SORD: variants seen among roughly 807,000 people sequenced by gnomAD.
SORD encodes sorbitol dehydrogenase.
In SORD, 18 loss-of-function variants were observed where a neutral mutation model predicts 35.6. That is an observed-to-expected ratio of 0.51 (90% CI 0.35 to 0.75). The LOEUF is 0.75. Among genes scored for constraint, SORD ranks in the 30% least tolerant of loss-of-function variants. SORD has a pLI of 0.01. For missense variants in SORD, 250 were observed against 390.2 expected, an observed-to-expected ratio of 0.64 and a Z score of 3.03; for synonymous variants, 106 against 152.9, an observed-to-expected ratio of 0.69 and a Z score of 2.26.
At chr15:45,067,287 G>A (rs1225726704) in intron 5 of SORD, among the ~76,000 whole-genome samples, 4 of 152,102 alleles carry the variant, frequency 2.6e-5, no homozygotes, top group South Asian at 2.1e-4. Context: ...GCTTGAACCC[G>A]GGAGGCGGAG....
intron 1 of SORD, among the ~76,000 whole-genome samples, chr15:45,035,478 A>C (rs1892849177): frequency 6.6e-6 from 1 of 151,898 alleles, no homozygotes; most frequent in African/African-American, 2.4e-5. Flanking sequence ...GGGGAGGTGG[A>C]AAACCTTTGT....
chr15:45,073,526 C>A lies in SORD; in HGVS notation c.1070C>A (p.Pro357His), dbSNP rs2412946. The stretch of plus-strand genomic sequence containing the variant: ...AAGTGTGACCCCAGTGACCAGAATC[C>A]CTGATGTTAATGGGCTCTGCCCTCA... ...MLKCDPSDQN[P>H] Residue 357 changes from proline to histidine, a missense_variant, in exon 9 of 9, where the codon CCC becomes CAC. By Grantham distance (77) the Pro-to-His change is moderately conservative. Around this residue, in one of 8 missense-constraint regions of SORD, gnomAD observed 17 missense variants for 26.2 expected, o/e 0.65. Transcript: ENST00000267814. 11 of 1,582,506 alleles carry A rather than the reference C, an allele frequency of 7.0e-6. No individual in the cohort carries two copies. The South Asian group carries it at 1.1e-4, about 16-fold the overall frequency.
intron 1 of SORD, 82 bp downstream of exon 1, chr15:45,023,431 T>A: frequency 8.1e-7 from 1 of 1,227,936 alleles, no homozygotes; most frequent in African/African-American, 1.6e-5. Context: ...GCTTCCCACT[T>A]CCAGCCTGGC....
chr15:45,031,470 C>G (rs1892785444), intron 1 of SORD, among the ~76,000 whole-genome samples: 1 of 152,234 alleles, frequency 6.6e-6, no homozygotes, highest in African/African-American at 2.4e-5. Context: ...GAACTTATGG[C>G]AGCCTCTGTT....
At chr15:45,029,063 A>C (rs72722064) in intron 1 of SORD, among the ~76,000 whole-genome samples, 31,276 of 151,020 alleles carry the variant, frequency 0.21, no homozygotes, top group African/African-American at 0.44. Context: ...TAACCCTTAC[A>C]AGTCAGAGAC....
intron 7 of SORD, among the ~76,000 whole-genome samples, chr15:45,071,182 C>T (rs1270833559): frequency 1.3e-5 from 2 of 152,132 alleles, no homozygotes; most frequent in African/African-American, 2.4e-5. Context: ...CCAGGTGGTT[C>T]CAGCATTCCT....
intron 3 of SORD, among the ~76,000 whole-genome samples, chr15:45,057,139 T>A (rs1289172094): frequency 1.3e-5 from 2 of 152,242 alleles, no homozygotes; most frequent in Non-Finnish European, 2.9e-5. Flanking sequence ...TTTATTTGTA[T>A]TTAAATGTTT....
intron 1 of SORD, among the ~76,000 whole-genome samples, chr15:45,029,583 G>T (rs74011318): frequency 0.21 from 31,176 of 150,766 alleles, no homozygotes; most frequent in African/African-American, 0.44. Context: ...GCAGATGGTG[G>T]CATGTTAGCA....
intron 8 of SORD, among the ~76,000 whole-genome samples, chr15:45,072,717 T>C (rs1400603806): frequency 1.4e-5 from 2 of 139,306 alleles, no homozygotes; most frequent in African/African-American, 3.3e-5. Context: ...GGCCCCTTTT[T>C]TCCCCCTATT....
intron 2 of SORD, among the ~76,000 whole-genome samples, chr15:45,042,775 C>T (rs959782878): frequency 6.6e-6 from 1 of 151,280 alleles, no homozygotes; most frequent in African/African-American, 2.4e-5. Context: ...AGAAACAAAA[C>T]CACTAAGATA....
At chr15:45,048,647 A>C (rs1893082271) in intron 3 of SORD, among the ~76,000 whole-genome samples, 1 of 152,198 alleles carries the variant, frequency 6.6e-6, no homozygotes, top group Non-Finnish European at 1.5e-5. Flanking sequence ...GGGTCAACAT[A>C]GCAATCTCAC....
intron 1 of SORD, among the ~76,000 whole-genome samples, chr15:45,027,304 G>A (rs563815842): frequency 6.6e-6 from 1 of 152,382 alleles, no homozygotes; most frequent in South Asian, 2.1e-4. Context: ...AAACCAGGCT[G>A]GGGAGCCAGA....
chr15:45,045,443 G>A (rs1271949626), intron 3 of SORD, among the ~76,000 whole-genome samples: 1 of 150,116 alleles, frequency 6.7e-6, no homozygotes, highest in Non-Finnish European at 1.5e-5. Flanking sequence ...TGAGGCAGGA[G>A]AATTGCCTGA....
At chr15:45,055,288 T>TA in intron 3 of SORD, among the ~76,000 whole-genome samples, 1 of 152,134 alleles carries the variant, frequency 6.6e-6, no homozygotes, top group Admixed American at 6.5e-5. Flanking sequence ...ATAGATGCAA[T>TA]AAAAAATGAT....
At chr15:45,044,185 C>T (rs1029296324) in intron 3 of SORD, among the ~76,000 whole-genome samples, 1 of 152,216 alleles carries the variant, frequency 6.6e-6, no homozygotes, top group Non-Finnish European at 1.5e-5. Context: ...GTCAAGAAGG[C>T]TCCTGTGGTG....
chr15:45,045,771 A>T (rs966881225), intron 3 of SORD, among the ~76,000 whole-genome samples: 50 of 152,232 alleles, frequency 3.3e-4, no homozygotes, highest in African/African-American at 1.1e-3. Flanking sequence ...TGGGAGGCCG[A>T]GGCAGAAAAA....
At chr15:45,035,532 A>C (rs1026779751) in intron 1 of SORD, among the ~76,000 whole-genome samples, 9 of 152,094 alleles carry the variant, frequency 5.9e-5, no homozygotes, top group African/African-American at 2.2e-4. Context: ...CACCCTGTCA[A>C]AACAGACCAC....
In SORD at chr15:45,065,327, G is replaced by A. The variant is rs1438253227; in HGVS notation, c.482G>A (p.Gly161Glu). 1 of 1,613,806 alleles carries A rather than the reference G, an allele frequency of 6.2e-7. No homozygotes were observed. The highest frequency in any genetic ancestry group is 8.5e-7 in the Non-Finnish European group (1 of 1,179,894). Reference sequence around the variant, plus strand: ...GCCCTGATCGAGCCACTTTCTGTGGGGATCCATGCCTGCAGGAGAGGCGGA... The same window carrying A: ...GCCCTGATCGAGCCACTTTCTGTGGAGATCCATGCCTGCAGGAGAGGCGGA... ...EGALIEPLSV[G>E]IHACRRGGVT... The change falls in exon 5 of 9, where the codon GGG becomes GAG. Residue 161 changes from glycine (G) to glutamate (E), a missense_variant. By Grantham distance (98) the Gly-to-Glu change is moderately conservative (BLOSUM62 -2). Coordinates refer to ENST00000267814, the MANE Select transcript of SORD (RefSeq NM_003104.6).
At chr15:45,065,691 C>T (rs998994959) in intron 5 of SORD, among the ~76,000 whole-genome samples, 13 of 152,252 alleles carry the variant, frequency 8.5e-5, no homozygotes, top group African/African-American at 2.6e-4. Context: ...AAACCAAAGC[C>T]GGTGGATCAC....
Sources: gnomAD v4.1 joint callset for allele counts (sites outside exome capture counted in the v4.1 genomes callset) on GRCh38, gnomAD v4.1.1 for gene constraint, gnomAD v4.1.1 regional missense constraint, MANE v1.5 for transcripts, NCBI Gene and HGNC (gene_info 2026-07-23, HGNC 2026-07-21) for gene names.